GPC6: variants seen among roughly 807,000 people sequenced by gnomAD.
The protein encoded by GPC6 is glypican 6, also known as glypican-6.
A neutral mutation model predicts 55.2 loss-of-function variants in GPC6; 14 were observed. The ratio of observed to expected loss-of-function variants is 0.25; its 90% CI spans 0.17 to 0.40. The LOEUF is 0.40. GPC6 is among the 10% of genes least tolerant of loss of function. The pLI, the probability that GPC6 is intolerant of heterozygous loss-of-function variation, is 1.00. For missense variants in GPC6, 641 were observed against 708.5 expected (o/e 0.90, Z 1.08); for synonymous variants, 278 against 259.6 (o/e 1.07, Z -0.68).
intron 3 of GPC6, among the ~76,000 whole-genome samples, chr13:93,949,971 A>T (rs992855335): frequency 1.3e-5 from 2 of 151,878 alleles, no homozygotes; most frequent in Non-Finnish European, 2.9e-5. Flanking sequence ...CAAGTGGTCC[A>T]CTCGCCTTGG....
chr13:93,912,955 A>G (rs1397510147), intron 3 of GPC6, among the ~76,000 whole-genome samples: 1 of 151,744 alleles, frequency 6.6e-6, no homozygotes, highest in East Asian at 1.9e-4. Flanking sequence ...CTTCTTTCCC[A>G]TGTGTCTCTG....
chr13:93,498,352 T>C (rs1880388333), intron 1 of GPC6, among the ~76,000 whole-genome samples: 1 of 152,170 alleles, frequency 6.6e-6, no homozygotes, highest in Admixed American at 6.5e-5. Context: ...GATACCCTTT[T>C]AATTGAGGGT....
At chr13:93,942,380 T>C (rs1160205198) in intron 3 of GPC6, among the ~76,000 whole-genome samples, 2 of 152,110 alleles carry the variant, frequency 1.3e-5, no homozygotes, top group African/African-American at 4.8e-5. Flanking sequence ...AGTGTAGTGG[T>C]ACAAACATGG....
chr13:94,140,755 G>A (rs761565521), intron 4 of GPC6, among the ~76,000 whole-genome samples: 4 of 152,078 alleles, frequency 2.6e-5, no homozygotes, highest in Non-Finnish European at 5.9e-5. Context: ...AGAACTCCAA[G>A]CTGGCATCGT....
At chr13:93,445,206 G>C (rs752166145) in intron 1 of GPC6, among the ~76,000 whole-genome samples, 9 of 152,108 alleles carry the variant, frequency 5.9e-5, no homozygotes, top group Non-Finnish European at 8.8e-5. Flanking sequence ...GGATTTTTAT[G>C]TTTCCTTTCT....
At chr13:93,854,846 A>AT (rs1385182601) in intron 3 of GPC6, among the ~76,000 whole-genome samples, 1 of 151,730 alleles carries the variant, frequency 6.6e-6, no homozygotes, top group Non-Finnish European at 1.5e-5. Flanking sequence ...ATCTAAGTAC[A>AT]TTTTTTTAAA....
At chr13:94,212,570 C>G (rs1451819084) in intron 4 of GPC6, among the ~76,000 whole-genome samples, 1 of 152,086 alleles carries the variant, frequency 6.6e-6, no homozygotes, top group Non-Finnish European at 1.5e-5. Context: ...TGTTTAAAAC[C>G]AGGAAAAATA....
chr13:94,084,859 C>T (rs1885225116), intron 4 of GPC6, among the ~76,000 whole-genome samples: 1 of 152,096 alleles, frequency 6.6e-6, no homozygotes, highest in African/African-American at 2.4e-5. Context: ...GGATAGGTAA[C>T]ACCACAAAGA....
At chr13:93,403,473 T>C (rs769999196) in intron 1 of GPC6, among the ~76,000 whole-genome samples, 3 of 152,230 alleles carry the variant, frequency 2.0e-5, no homozygotes, top group Non-Finnish European at 2.9e-5. Context: ...ATTCATTTCA[T>C]TATACCTTAT....
intron 1 of GPC6, among the ~76,000 whole-genome samples, chr13:93,272,561 T>C (rs1362812097): frequency 1.3e-5 from 2 of 149,512 alleles, no homozygotes; most frequent in East Asian, 3.9e-4. Flanking sequence ...AATGGAGTCA[T>C]AGTGTTTTGC....
intron 4 of GPC6, among the ~76,000 whole-genome samples, chr13:94,265,326 C>T (rs1891768362): frequency 6.6e-6 from 1 of 152,098 alleles, no homozygotes; most frequent in African/African-American, 2.4e-5. Context: ...AGTTCGAGTC[C>T]CAAAGCTGAA....
intron 2 of GPC6, among the ~76,000 whole-genome samples, chr13:93,670,438 G>T (rs1445522159): frequency 6.6e-6 from 1 of 152,088 alleles, no homozygotes; most frequent in African/African-American, 2.4e-5. Flanking sequence ...TAAAATTTGT[G>T]TTCAGTAATA....
chr13:94,155,979 G>A (rs1049711940), intron 4 of GPC6, among the ~76,000 whole-genome samples: 10 of 152,120 alleles, frequency 6.6e-5, no homozygotes, highest in African/African-American at 2.2e-4. Flanking sequence ...ATCTCCATTC[G>A]AAGGATGAGG....
At chr13:93,998,935 G>A (rs1007829116) in intron 3 of GPC6, among the ~76,000 whole-genome samples, 3 of 151,962 alleles carry the variant, frequency 2.0e-5, no homozygotes, top group Middle Eastern at 3.4e-3. Context: ...GAACTTATTC[G>A]TCCTATCTCA....
chr13:93,447,257 A>G (rs1209884858), intron 1 of GPC6, among the ~76,000 whole-genome samples: 3 of 152,198 alleles, frequency 2.0e-5, no homozygotes, highest in Admixed American at 6.5e-5. Flanking sequence ...TTTCTCTTCT[A>G]TTAGCTGTAA....
chr13:94,302,544 A>G (rs1875708572), intron 5 of GPC6, among the ~76,000 whole-genome samples: 1 of 152,236 alleles, frequency 6.6e-6, no homozygotes, highest in South Asian at 2.1e-4. Flanking sequence ...TAAGTCATCT[A>G]AGTTATATGA....
intron 2 of GPC6, among the ~76,000 whole-genome samples, chr13:93,663,331 A>T (rs934257385): frequency 1.3e-5 from 2 of 152,140 alleles, no homozygotes; most frequent in African/African-American, 4.8e-5. Context: ...TGGGCAGAAG[A>T]TGCATTTACA....
At chr13:93,771,326 G>A (rs1003928875) in intron 2 of GPC6, among the ~76,000 whole-genome samples, 8 of 152,112 alleles carry the variant, frequency 5.3e-5, no homozygotes, top group South Asian at 2.1e-4. Context: ...AGGAAGAACC[G>A]GAGAGCAAGC....
chr13:94,335,000 C>T (rs1004322627), intron 6 of GPC6, among the ~76,000 whole-genome samples: 8 of 152,184 alleles, frequency 5.3e-5, no homozygotes, highest in Admixed American at 2.0e-4. Flanking sequence ...TTGTAACTAA[C>T]CCTTCAGAGG....
Sources: allele counts gnomAD v4.1 joint callset (sites outside exome capture counted in the v4.1 genomes callset), GRCh38; gene constraint gnomAD v4.1.1; transcripts MANE v1.5; gene names NCBI Gene and HGNC (gene_info 2026-07-23, HGNC 2026-07-21).